The following ANK2 variants were observed in gnomAD, a reference collection of about 807,000 sequenced individuals.
ANK2 encodes ankyrin 2.
Under a neutral mutation model 360.5 loss-of-function variants are expected in ANK2, and 83 were observed. That is an observed-to-expected ratio of 0.23 (90% CI 0.19 to 0.28). The LOEUF is 0.28. ANK2 is among the 10% of genes least tolerant of loss of function. The pLI is 1.00. For synonymous variants in ANK2, 1,740 were observed against 1,759.5 expected, an observed-to-expected ratio of 0.99 and a Z score of 0.28; for missense variants, 4,201 against 4,795.7, an observed-to-expected ratio of 0.88 and a Z score of 3.66.
At chr4:112,789,094 A>G in the ANK2 span, among the ~76,000 whole-genome samples, 3 of 152,128 alleles carry the variant, frequency 2.0e-5, no homozygotes, top group Non-Finnish European at 4.4e-5. Context: ...AATGTAATGT[A>G]TACTTATTTG....
chr4:112,879,524 G>A (rs983418362), intron 1 of ANK2, among the ~76,000 whole-genome samples: 1 of 152,090 alleles, frequency 6.6e-6, no homozygotes, highest in African/African-American at 2.4e-5. Context: ...GAACCACCCA[G>A]CCAAGCCACT....
At chr4:112,951,782 C>T (rs1312968216) in intron 2 of ANK2, among the ~76,000 whole-genome samples, 4 of 152,144 alleles carry the variant, frequency 2.6e-5, no homozygotes, top group African/African-American at 9.7e-5. Flanking sequence ...GTAGAGGGAG[C>T]ACATATTTTA....
intron 1 of ANK2, among the ~76,000 whole-genome samples, chr4:112,864,791 G>C (rs183282355): frequency 0.017 from 2,534 of 151,090 alleles, 35 homozygotes; most frequent in Middle Eastern, 0.031. Context: ...CTAGCACTTT[G>C]GGAGGCCGAG....
intron 1 of ANK2, among the ~76,000 whole-genome samples, chr4:113,109,179 A>T (rs933055418): frequency 9.9e-5 from 15 of 152,154 alleles, no homozygotes; most frequent in African/African-American, 4.8e-5. Flanking sequence ...AGCTTGCTTA[A>T]CTTCCCAACT....
At chr4:113,164,127 C>T (rs932571750) in intron 1 of ANK2, among the ~76,000 whole-genome samples, 10 of 152,050 alleles carry the variant, frequency 6.6e-5, no homozygotes, top group African/African-American at 1.4e-4. Context: ...AGGCTGGGTG[C>T]GGTGGCTCAC....
chr4:113,058,628 G>A (rs973035152), intron 1 of ANK2, among the ~76,000 whole-genome samples: 1 of 152,068 alleles, frequency 6.6e-6, no homozygotes, highest in African/African-American at 2.4e-5. Context: ...AGAATTCAGA[G>A]GGTATGGTGG....
chr4:112,714,422 A>G, the ANK2 span, among the ~76,000 whole-genome samples: 1 of 152,164 alleles, frequency 6.6e-6, no homozygotes, highest in East Asian at 1.9e-4. Context: ...GCCTTGAGCA[A>G]TCTACCCACC....
intron 1 of ANK2, among the ~76,000 whole-genome samples, chr4:113,100,025 A>G (rs2092549912): frequency 6.6e-6 from 1 of 152,092 alleles, no homozygotes; most frequent in African/African-American, 2.4e-5. Context: ...AACTTCTAGA[A>G]GATAACATAG....
At chr4:113,133,667 A>G (rs975503374) in intron 1 of ANK2, among the ~76,000 whole-genome samples, 2 of 152,212 alleles carry the variant, frequency 1.3e-5, no homozygotes, top group African/African-American at 4.8e-5. Context: ...TTGAGGAAAA[A>G]TAATCATAGT....
chr4:113,246,575 A>C (rs1000931460), intron 9 of ANK2, among the ~76,000 whole-genome samples: 3 of 152,186 alleles, frequency 2.0e-5, no homozygotes, highest in African/African-American at 7.2e-5. Context: ...TTATTATTTA[A>C]ATGTGGTGAT....
intron 2 of ANK2, among the ~76,000 whole-genome samples, chr4:112,945,274 G>C (rs574518479): frequency 1.3e-5 from 2 of 152,310 alleles, no homozygotes; most frequent in South Asian, 4.1e-4. Flanking sequence ...ATTGGCCAAA[G>C]CAAGTGTAGG....
chr4:113,365,210 T>C (rs751309142), intron 41 of ANK2, 28 bp downstream of exon 41: 4 of 1,586,570 alleles, frequency 2.5e-6, no homozygotes, highest in Middle Eastern at 1.7e-4. Context: ...TATGTGTGTG[T>C]GTGTGTGTGT....
chr4:112,772,573 A>G, the ANK2 span, among the ~76,000 whole-genome samples: 1 of 152,208 alleles, frequency 6.6e-6, no homozygotes, highest in Non-Finnish European at 1.5e-5. Context: ...CACCTGGATT[A>G]CCCTCCTGAA....
At chr4:113,113,184 C>CTTT (rs11459209) in intron 1 of ANK2, among the ~76,000 whole-genome samples, 1 of 116,216 alleles carries the variant, frequency 8.6e-6, no homozygotes, top group African/African-American at 3.1e-5. Context: ...TGAGCACATT[C>CTTT]TTTTTTTTTT....
chr4:113,372,630 C>T (rs530827978), intron 43 of ANK2: 4 of 1,530,026 alleles, frequency 2.6e-6, no homozygotes, highest in Non-Finnish European at 3.5e-6. Context: ...ATTCAGGTAC[C>T]CACTGTTAAA....
chr4:113,016,626 G>T (rs1363354520), intron 2 of ANK2, among the ~76,000 whole-genome samples: 2 of 152,084 alleles, frequency 1.3e-5, no homozygotes, highest in African/African-American at 2.4e-5. Context: ...TGTGACAAGA[G>T]TGTTAACCCA....
chr4:113,340,228 G>A (rs895587610), intron 32 of ANK2, among the ~76,000 whole-genome samples: 1 of 152,190 alleles, frequency 6.6e-6, no homozygotes, highest in Non-Finnish European at 1.5e-5. Context: ...AAGGGTGTTC[G>A]AATTGGGATA....
chr4:113,302,869 C>G, intron 23 of ANK2, 30 bp downstream of exon 23: 1 of 1,571,440 alleles, frequency 6.4e-7, no homozygotes, highest in Non-Finnish European at 8.8e-7. Context: ...TTCTATGACA[C>G]CTGTCATGTT....
chr4:112,743,986 G>A, the ANK2 span, among the ~76,000 whole-genome samples: 1,922 of 151,704 alleles, frequency 0.013, 50 homozygotes, highest in African/African-American at 0.044. Flanking sequence ...GTGCCACCAT[G>A]CCTGGCTAAT....
Sources: allele counts gnomAD v4.1 joint callset (sites outside exome capture counted in the v4.1 genomes callset), GRCh38; gene constraint gnomAD v4.1.1; transcripts MANE v1.5; gene names NCBI Gene and HGNC (gene_info 2026-07-23, HGNC 2026-07-21).